The following GP6 variants were observed in gnomAD, a reference collection of about 807,000 sequenced individuals.
GP6 encodes the protein platelet glycoprotein VI.
GP6 carries 45 observed loss-of-function variants against 37.3 expected under a neutral mutation model. The ratio of observed to expected loss-of-function variants is 1.21; its 90% confidence interval spans 0.95 to 1.55. The LOEUF (loss-of-function observed/expected upper bound fraction) is 1.55, where lower values mean the gene tolerates loss of function less well. Ranked by LOEUF, GP6 falls within the 40% of genes most tolerant of loss-of-function variation. GP6 has a pLI of 0.00. For missense variants in GP6, 813 were observed against 760.2 expected (o/e 1.07, Z -0.82); for synonymous variants, 340 against 316.4 (o/e 1.07, Z -0.79).
rs115123081 is a variant in GP6, at chr19:55,026,243, C to T, written c.611-972G>A. On this transcript the variant is annotated intron_variant, in intron 4 of 7. Transcript: ENST00000310373. ...CATTGTTAAATGTACTGATCAGTGG[C>T]GTTGGGTATGTTCACATTGTGGTAC... 9.5e-3 allele frequency among the ~76,000 whole-genome samples: 1,444 copies of T among 152,254 alleles called. 31 individuals are homozygous for T. The highest frequency in any genetic ancestry group is 0.033 in the African/African-American group (1,367 of 41,532).
rs1411106085 is a variant in GP6, at chr19:55,027,814, G to A, written c.374C>T (p.Ser125Leu). Residue 125 changes from serine (S) to leucine (L), a missense_variant, in exon 4 of 8, where the codon TCG becomes TTG. Transcript: ENST00000310373. The stretch of plus-strand genomic sequence containing the variant: ...CTGTAGGGTTACGTCCCCTCCTGAC[G>A]ACACCGCCGGGCCGGGCTGGGCTGA... The A allele has an allele frequency of 1.2e-6, 2 of 1,614,118 alleles. No individual in the cohort carries two copies. Among genetic ancestry groups the A allele is most frequent in the South Asian group, 1.1e-5 (1 of 91,088 alleles).
At position 55,025,236 on chromosome 19, in the gene GP6, G is replaced by C. The variant is rs766761398; in HGVS notation, c.646C>G (p.Pro216Ala). 1.9e-6 allele frequency: 3 copies of C among 1,547,138 alleles called. No individual in the cohort carries two copies. Among genetic ancestry groups the C allele is most frequent in the South Asian group, 2.4e-5 (2 of 83,982 alleles). ...AACCTACCTGCTACCGGGGAAGGTG[G>C]TTCTGTTGGTAACCGGCTGGGGGTC... The change falls in exon 5 of 8, where the codon CCA (proline) becomes GCA (alanine). Residue 216 changes from proline (P) to alanine (A), a missense_variant. Coordinates refer to ENST00000310373, the MANE Select transcript of GP6 (RefSeq NM_001083899.2).
chr19:55,025,992 A>C (rs1332084518), intron 4 of GP6, among the ~76,000 whole-genome samples: 3 of 42,912 alleles, frequency 7.0e-5, no homozygotes, highest in Admixed American at 2.8e-4. Context: ...ACAAAGTGAG[A>C]CTCCCCCCAA....
Position 55,014,483 on chromosome 19 carries a change from T to C in GP6, c.1462A>G (p.Arg488Gly), listed in dbSNP as rs1211584615. 7 of 1,613,970 alleles carry C rather than the reference T, an allele frequency of 4.3e-6. No homozygotes were observed. Among genetic ancestry groups the C allele is most frequent in the Non-Finnish European group, 2.5e-6 (3 of 1,179,978 alleles). The change falls in exon 8 of 8, where the codon AGA becomes GGA. Residue 488 changes from arginine to glycine, a missense_variant. Transcript: ENST00000310373. ...GAGATGGAGTGAGGGTGAGAGTTTCTGGGGAAAACCAGACAAGAGCACAGA... is the reference window on the plus strand; with the variant it reads ...GAGATGGAGTGAGGGTGAGAGTTTCCGGGGAAAACCAGACAAGAGCACAGA...
At chr19:55,033,375 A>G (rs1457070905) in intron 1 of GP6, among the ~76,000 whole-genome samples, 2 of 44,742 alleles carry the variant, frequency 4.5e-5, no homozygotes, top group Non-Finnish European at 8.7e-5. Flanking sequence ...TGTGTTAGAC[A>G]CGGTGGACTC....
At position 55,027,712 on chromosome 19, in the gene GP6, C is replaced by T. The variant is rs1385544226; in HGVS notation, c.476G>A (p.Arg159Lys). Residue 159 changes from arginine (R) to lysine (K), a missense_variant, in exon 4 of 8, where the codon AGA becomes AAA. Physicochemically the swap from Arg to Lys is conservative, Grantham distance 26. Transcript: ENST00000310373. The stretch of plus-strand genomic sequence containing the variant: ...GATGGGAAAACTAGCCCTGTACCAT[C>T]TCTCGGGATTCTTGTAGGGCGCAGG... The T allele has an allele frequency of 6.2e-7, 1 of 1,613,506 alleles. No individual in the cohort carries two copies. The highest frequency in any genetic ancestry group is 1.3e-5 in the African/African-American group (1 of 74,942).
chr19:55,021,320 C>T (rs908053604), intron 5 of GP6, among the ~76,000 whole-genome samples: 29 of 149,130 alleles, frequency 1.9e-4, no homozygotes, highest in African/African-American at 7.2e-4. Flanking sequence ...GCCGAGATCG[C>T]ACCACTGCAC....
chr19:55,014,735 GCAGACAGA>G lies in GP6; in HGVS notation c.1202_1209del (p.Val401AlafsTer60), dbSNP rs768134535. On this transcript the variant is annotated frameshift_variant, in exon 8 of 8. Transcript: ENST00000310373. LOFTEE classifies it low-confidence loss of function (END_TRUNC). Reference sequence around the variant, plus strand: ...ATGGAGGGTGCCCTCAGACAGAGAGGCAGACAGACAGACAGACACTGGCCGAACGGCTC... The same window carrying G: ...ATGGAGGGTGCCCTCAGACAGAGAGGCAGACAGACACTGGCCGAACGGCTC... The G allele has an allele frequency of 6.2e-7, 1 of 1,613,506 alleles. No individual in the cohort carries two copies. The highest frequency in any genetic ancestry group is 1.7e-5 in the Admixed American group (1 of 59,914).
intron 5 of GP6, among the ~76,000 whole-genome samples, chr19:55,024,361 C>T (rs982113366): frequency 5.5e-5 from 1 of 18,078 alleles, no homozygotes; most frequent in African/African-American, 1.1e-4. Context: ...CGCACACACA[C>T]ATATGCACGC....
At chr19:55,028,432 T>C (rs2074392075) in intron 3 of GP6, among the ~76,000 whole-genome samples, 1 of 152,172 alleles carries the variant, frequency 6.6e-6, no homozygotes, top group Non-Finnish European at 1.5e-5. Context: ...CATTAAATAA[T>C]TTGTCCAACT....
intron 1 of GP6, among the ~76,000 whole-genome samples, chr19:55,033,929 T>G (rs1004007901): frequency 6.6e-6 from 1 of 152,058 alleles, no homozygotes; most frequent in Non-Finnish European, 1.5e-5. Flanking sequence ...ATATATATAA[T>G]AATCGTTTCA....
intron 5 of GP6, among the ~76,000 whole-genome samples, chr19:55,022,889 G>A (rs1363934994): frequency 6.6e-6 from 1 of 152,192 alleles, no homozygotes; most frequent in Admixed American, 6.5e-5. Flanking sequence ...AACATTCCAT[G>A]CTCATGGATA....
At chr19:55,017,671 G>A (rs77702942) in intron 6 of GP6, among the ~76,000 whole-genome samples, 22,081 of 152,064 alleles carry the variant, frequency 0.15, 2,255 homozygotes, top group Non-Finnish European at 0.22. Flanking sequence ...ATCAACAGGG[G>A]CTGGATATCT....
At chr19:55,031,101 G>T (rs1373004269) in intron 3 of GP6, among the ~76,000 whole-genome samples, 1 of 152,140 alleles carries the variant, frequency 6.6e-6, no homozygotes. Flanking sequence ...TCCCGCCTCA[G>T]CCTCCCAAAG....
chr19:55,015,524 T>C (rs1237190662), intron 7 of GP6, among the ~76,000 whole-genome samples, 159 bp downstream of exon 7: 1 of 152,140 alleles, frequency 6.6e-6, no homozygotes, highest in Admixed American at 6.6e-5. Flanking sequence ...CACCTGATCT[T>C]AATGCCCAAT....
chr19:55,032,869 TCG>T (rs2074624232), intron 1 of GP6: 1 of 413,916 alleles, frequency 2.4e-6, no homozygotes, highest in Non-Finnish European at 4.4e-6. Flanking sequence ...CACGGTGGGC[TCG>T]TTCGTGTTAG....
intron 4 of GP6, among the ~76,000 whole-genome samples, chr19:55,026,000 CAAAA>C (rs869194721): frequency 1.1e-4 from 2 of 17,854 alleles, no homozygotes; most frequent in Non-Finnish European, 3.3e-4. Flanking sequence ...AGACTCCCCC[CAAAA>C]AAAAAAAAAA....
rs774208368 is a variant in GP6, at chr19:55,030,673, TAAGAA to T, written c.325+1461_325+1465del. ...TCTTCTCTTAAAAAAAATAAATAAA[TAAGAA>T]AAGAAATTAGAATATTTGCACCAAT... On this transcript the variant is annotated intron_variant, in intron 3 of 7. Transcript: ENST00000310373. 6.4e-3 allele frequency among the ~76,000 whole-genome samples: 954 copies of T among 148,992 alleles called. 6 individuals carry two copies. The highest frequency in any genetic ancestry group is 0.024 in the Middle Eastern group (7 of 286).
intron 6 of GP6, among the ~76,000 whole-genome samples, chr19:55,016,007 C>T (rs183123985): frequency 4.7e-4 from 72 of 152,102 alleles, no homozygotes; most frequent in African/African-American, 1.6e-3. Context: ...GGCGTGGTGG[C>T]ACGTGCCAGT....
Sources: allele counts gnomAD v4.1 joint callset (sites outside exome capture counted in the v4.1 genomes callset), GRCh38; gene constraint gnomAD v4.1.1; transcripts MANE v1.5; gene names NCBI Gene and HGNC (gene_info 2026-07-23, HGNC 2026-07-21).